The following RSPO2 variants were observed in gnomAD, a reference collection of about 807,000 sequenced individuals.
RSPO2 encodes R-spondin 2, also known as R-spondin-2.
In RSPO2, 14 loss-of-function variants were observed where a neutral mutation model predicts 30.9. The ratio of observed to expected loss-of-function variants is 0.45; its 90% confidence interval spans 0.30 to 0.71. The LOEUF is 0.71. Ranked by LOEUF, RSPO2 falls within the 30% of genes least tolerant of loss-of-function variation. The pLI is 0.08. For missense variants in RSPO2, 264 were observed against 301.9 expected, an observed-to-expected ratio of 0.87 and a Z score of 0.93; for synonymous variants, 107 against 96.4, an observed-to-expected ratio of 1.11 and a Z score of -0.64.
At chr8:107,980,726 T>C (rs1814400389) in intron 3 of RSPO2, among the ~76,000 whole-genome samples, 2 of 152,270 alleles carry the variant, frequency 1.3e-5, no homozygotes, top group East Asian at 3.9e-4. Context: ...CTTAACAGCC[T>C]CGCCACCCAG....
chr8:107,977,985 T>C (rs1431251853), intron 3 of RSPO2, among the ~76,000 whole-genome samples: 1 of 151,876 alleles, frequency 6.6e-6, no homozygotes, highest in Non-Finnish European at 1.5e-5. Context: ...AATGCACATC[T>C]CTATGCAACT....
At chr8:107,998,680 T>A (rs1405723913) in intron 2 of RSPO2, among the ~76,000 whole-genome samples, 1 of 152,056 alleles carries the variant, frequency 6.6e-6, no homozygotes, top group African/African-American at 2.4e-5. Flanking sequence ...ATAAATTTAA[T>A]CTAGAAAAAA....
chr8:108,081,555 G>A (rs894692761), intron 2 of RSPO2, among the ~76,000 whole-genome samples: 1 of 152,226 alleles, frequency 6.6e-6, no homozygotes, highest in African/African-American at 2.4e-5. Flanking sequence ...CGTGTGGTGA[G>A]TGGTTTATGT....
At chr8:107,957,612 T>C (rs598944) in intron 5 of RSPO2, among the ~76,000 whole-genome samples, 74,529 of 152,060 alleles carry the variant, frequency 0.49, 21,499 homozygotes, top group East Asian at 0.69. Context: ...TTTATTCCTC[T>C]CAGTGTTTGG....
chr8:107,978,220 G>A (rs1035255252), intron 3 of RSPO2, among the ~76,000 whole-genome samples: 1 of 152,120 alleles, frequency 6.6e-6, no homozygotes, highest in Non-Finnish European at 1.5e-5. Flanking sequence ...CCCAGGTCAG[G>A]AGTTTGAGAC....
At chr8:108,032,503 C>T (rs17320261) in intron 2 of RSPO2, among the ~76,000 whole-genome samples, 2 of 152,052 alleles carry the variant, frequency 1.3e-5, no homozygotes, top group African/African-American at 4.8e-5. Context: ...TAGTCACATA[C>T]CCTAGATACA....
At chr8:107,954,975 A>G (rs561829061) in intron 5 of RSPO2, among the ~76,000 whole-genome samples, 1 of 152,136 alleles carries the variant, frequency 6.6e-6, no homozygotes, top group Non-Finnish European at 1.5e-5. Context: ...TCAGTCTGCT[A>G]TATTGGTAGC....
At chr8:107,968,954 G>C (rs116373600) in intron 3 of RSPO2, among the ~76,000 whole-genome samples, 460 of 152,258 alleles carry the variant, frequency 3.0e-3, no homozygotes, top group African/African-American at 0.01. Context: ...CTTCACCCTT[G>C]TTTAGGTCAC....
intron 2 of RSPO2, among the ~76,000 whole-genome samples, chr8:108,030,198 G>A (rs1811378159): frequency 6.6e-6 from 1 of 151,098 alleles, no homozygotes; most frequent in South Asian, 2.1e-4. Flanking sequence ...TTCCAATCTA[G>A]GAGGATGAGA....
chr8:108,065,182 AG>A (rs1812623555), intron 2 of RSPO2, among the ~76,000 whole-genome samples: 1 of 151,894 alleles, frequency 6.6e-6, no homozygotes, highest in East Asian at 1.9e-4. Context: ...TAAAAAAAAA[AG>A]AGTACTACAA....
Position 107,901,196 on chromosome 8 carries a change from A to G in RSPO2, c.617-6T>C, listed in dbSNP as rs374633923. ...CGCCTTTGGTGTTCTCTTCCCTGCA[A>G]TGAAGGAAAGAAAAGAAGAGATGTC... is the stretch of plus-strand genomic sequence containing the variant. On this transcript the variant is annotated splice_polypyrimidine_tract_variant and splice_region_variant and intron_variant, in intron 5 of 5. Coordinates refer to ENST00000276659, the MANE Select transcript of RSPO2 (RefSeq NM_178565.5). 1 of 1,607,998 alleles carries G rather than the reference A, an allele frequency of 6.2e-7. No individual in the cohort carries two copies. The highest frequency in any genetic ancestry group is 1.3e-5 in the African/African-American group (1 of 74,384).
intron 2 of RSPO2, among the ~76,000 whole-genome samples, chr8:108,023,942 C>G (rs1196585194): frequency 6.6e-6 from 1 of 152,126 alleles, no homozygotes; most frequent in African/African-American, 2.4e-5. Context: ...TTAGAAGCCA[C>G]TCAGATTACC....
chr8:107,969,437 G>A (rs933976015), intron 3 of RSPO2, among the ~76,000 whole-genome samples: 4 of 152,074 alleles, frequency 2.6e-5, no homozygotes, highest in African/African-American at 9.7e-5. Flanking sequence ...GCTGCTAGTA[G>A]CTTCACTGTG....
chr8:108,016,606 T>C (rs1368961292), intron 2 of RSPO2, among the ~76,000 whole-genome samples: 1 of 152,194 alleles, frequency 6.6e-6, no homozygotes, highest in Non-Finnish European at 1.5e-5. Flanking sequence ...ATATTTAACA[T>C]ATACACACAC....
At chr8:107,999,927 C>T (rs1370569201) in intron 2 of RSPO2, among the ~76,000 whole-genome samples, 1 of 152,102 alleles carries the variant, frequency 6.6e-6, no homozygotes, top group Non-Finnish European at 1.5e-5. Context: ...AGGACATTCA[C>T]AACCTGGATT....
intron 5 of RSPO2, among the ~76,000 whole-genome samples, chr8:107,943,274 T>C (rs609820): frequency 0.53 from 80,945 of 152,104 alleles, 23,655 homozygotes; most frequent in East Asian, 0.7. Context: ...GAATTTTCAA[T>C]CTTTATGTGT....
At chr8:108,081,831 G>A (rs1310032369) in intron 2 of RSPO2, 1 of 879,076 alleles carries the variant, frequency 1.1e-6, no homozygotes, top group Admixed American at 6.2e-5. Flanking sequence ...CAAAGCAAAT[G>A]GAGAGAGCGA....
rs545281655 is a variant in RSPO2 at position 108,062,869 on chromosome 8, G to C, written c.94+19676C>G. Among the ~76,000 whole-genome samples, 6 of 151,958 alleles carry C rather than the reference G, an allele frequency of 3.9e-5. No individual in the cohort carries two copies. The South Asian group carries it at 1.2e-3, about 32-fold the overall frequency. ...GGCTTCATCCCTGGAATGCAAAGCT[G>C]GTTCAACATACGCAAATCAATAAAT... On this transcript the variant is annotated intron_variant, in intron 2 of 5. Transcript: ENST00000276659.
At chr8:107,910,469 G>A (rs1266513866) in intron 5 of RSPO2, among the ~76,000 whole-genome samples, 1 of 152,152 alleles carries the variant, frequency 6.6e-6, no homozygotes, top group Non-Finnish European at 1.5e-5. Flanking sequence ...GGATTTTGAG[G>A]CTGCAGTGAG....
Sources: allele counts gnomAD v4.1 joint callset (sites outside exome capture counted in the v4.1 genomes callset), GRCh38; gene constraint gnomAD v4.1.1; transcripts MANE v1.5; gene names NCBI Gene and HGNC (gene_info 2026-07-23, HGNC 2026-07-21).